Variants in RANBP2 observed in about 807,000 individuals in gnomAD.
The protein encoded by RANBP2 is E3 SUMO-protein ligase RanBP2.
RANBP2 carries 57 observed loss-of-function variants against 303.6 expected under a neutral mutation model. The ratio of observed to expected loss-of-function variants is 0.19; its 90% CI spans 0.15 to 0.23. The LOEUF is 0.23. Ranked by LOEUF, RANBP2 falls within the 10% of genes least tolerant of loss-of-function variation. The pLI is 1.00. For synonymous variants in RANBP2, 1,167 were observed against 1,301.5 expected, an observed-to-expected ratio of 0.90 and a Z score of 2.23; for missense variants, 3,138 against 3,780.8, an observed-to-expected ratio of 0.83 and a Z score of 4.46.
the RANBP2 span, chr2:109,348,045 C>T: frequency 6.9e-7 from 1 of 1,452,456 alleles, no homozygotes; most frequent in African/African-American, 1.4e-5. Context: ...GACAGTCTTT[C>T]TTCAGAGTCT....
the RANBP2 span, among the ~76,000 whole-genome samples, chr2:109,407,569 A>G: frequency 6.6e-6 from 1 of 152,192 alleles, no homozygotes; most frequent in African/African-American, 2.4e-5. Context: ...CAGCCCCCAG[A>G]CTTACTGCTT....
the RANBP2 span, among the ~76,000 whole-genome samples, chr2:109,281,858 G>A: frequency 4.6e-5 from 7 of 152,166 alleles, no homozygotes; most frequent in Admixed American, 6.5e-5. Context: ...GACCCCCAGC[G>A]GGCTAGAGCT....
chr2:109,253,040 A>T, the RANBP2 span, among the ~76,000 whole-genome samples: 2,994 of 149,740 alleles, frequency 0.02, 104 homozygotes, highest in African/African-American at 0.069. Flanking sequence ...CTTTTTTTTT[A>T]TTTAAGAGCT....
chr2:109,078,883 T>A, the RANBP2 span, among the ~76,000 whole-genome samples: 1 of 151,196 alleles, frequency 6.6e-6, no homozygotes, highest in African/African-American at 2.4e-5. Flanking sequence ...CCCAGCTACT[T>A]GGGAGGCTGG....
At chr2:108,759,910 A>G (rs563798042) in intron 18 of RANBP2, among the ~76,000 whole-genome samples, 2 of 152,230 alleles carry the variant, frequency 1.3e-5, no homozygotes, top group East Asian at 3.9e-4. Context: ...TCATTGTCTC[A>G]TTTTATTCTT....
the RANBP2 span, among the ~76,000 whole-genome samples, chr2:108,931,794 A>G: frequency 6.6e-6 from 1 of 151,580 alleles, no homozygotes; most frequent in Non-Finnish European, 1.5e-5. Flanking sequence ...AAGCAATTTT[A>G]CTTGGTAGTC....
At chr2:109,417,374 C>T in the RANBP2 span, among the ~76,000 whole-genome samples, 1 of 152,182 alleles carries the variant, frequency 6.6e-6, no homozygotes, top group African/African-American at 2.4e-5. Context: ...GGGGACACCT[C>T]CTCTTCCCTG....
chr2:109,440,714 T>C, the RANBP2 span, among the ~76,000 whole-genome samples: 1 of 151,936 alleles, frequency 6.6e-6, no homozygotes, highest in Non-Finnish European at 1.5e-5. Context: ...GATGTGGAGA[T>C]CAGAGTTTGT....
At chr2:109,314,737 A>T in the RANBP2 span, among the ~76,000 whole-genome samples, 27 of 152,360 alleles carry the variant, frequency 1.8e-4, no homozygotes, top group African/African-American at 5.5e-4. Context: ...AATATCCACC[A>T]GCCAATTTCT....
At chr2:109,582,075 GACACACACACACACACACACAC>G in the RANBP2 span, among the ~76,000 whole-genome samples, 1 of 143,768 alleles carries the variant, frequency 7.0e-6, no homozygotes, top group East Asian at 2.0e-4. Context: ...ATGTACAACA[GACACACACACACACACACACAC>G]ACACACACAC....
At chr2:109,312,513 C>A in the RANBP2 span, among the ~76,000 whole-genome samples, 1 of 152,152 alleles carries the variant, frequency 6.6e-6, no homozygotes, top group Non-Finnish European at 1.5e-5. Context: ...ACTCTCTACC[C>A]ATCAGCAGCC....
chr2:109,356,728 A>C, the RANBP2 span, among the ~76,000 whole-genome samples: 2 of 152,204 alleles, frequency 1.3e-5, no homozygotes. Context: ...ATCTTTGGAC[A>C]GCCCTGCCTC....
At chr2:109,300,278 C>G in the RANBP2 span, among the ~76,000 whole-genome samples, 2 of 152,278 alleles carry the variant, frequency 1.3e-5, no homozygotes, top group Admixed American at 1.3e-4. Flanking sequence ...CTCCAGGGTT[C>G]AAGCAGTTCT....
chr2:109,657,577 G>C, the RANBP2 span, among the ~76,000 whole-genome samples: 7 of 76,998 alleles, frequency 9.1e-5, no homozygotes, highest in Admixed American at 2.3e-4. Context: ...TTAAGTTGGA[G>C]TGAAGTTTAA....
At chr2:108,750,887 A>G (rs1040557410) in intron 9 of RANBP2, among the ~76,000 whole-genome samples, 28 of 152,216 alleles carry the variant, frequency 1.8e-4, no homozygotes, top group African/African-American at 6.5e-4. Flanking sequence ...CCGATGGATT[A>G]ATATAGTGGT....
the RANBP2 span, among the ~76,000 whole-genome samples, chr2:109,498,685 G>A: frequency 6.6e-6 from 1 of 152,270 alleles, no homozygotes; most frequent in South Asian, 2.1e-4. Context: ...ATGGGCCCAG[G>A]GAACTGTGGG....
chr2:109,270,885 C>T, the RANBP2 span, among the ~76,000 whole-genome samples: 9 of 152,292 alleles, frequency 5.9e-5, no homozygotes, highest in East Asian at 5.8e-4. Flanking sequence ...GAGCCTGTAC[C>T]GACACTGCCT....
rs542202026 is a variant in RANBP2 at position 108,777,056 on chromosome 2, C to T, written c.8498-74C>T. 1.3e-5 allele frequency: 16 copies of T among 1,196,314 alleles called. No individual in the cohort carries two copies. The African/African-American group carries it at 2.7e-4, about 20-fold the overall frequency. 74.1% of individuals were successfully genotyped at this position (1,196,314 alleles called of 1,614,324 possible). On this transcript the variant is annotated intron_variant, in intron 24 of 28. Transcript: ENST00000283195. ...AGAGTATACAAGTCTCTACTGTTCT[C>T]TCTAGGTCCTGGGGTAAAGCTTTGA...
chr2:109,146,949 T>C, the RANBP2 span, among the ~76,000 whole-genome samples: 1 of 133,938 alleles, frequency 7.5e-6, no homozygotes, highest in African/African-American at 2.8e-5. Context: ...AAAACACTTC[T>C]GGCAGTAACT....
Sources: allele counts gnomAD v4.1 joint callset (sites outside exome capture counted in the v4.1 genomes callset), GRCh38; gene constraint gnomAD v4.1.1; transcripts MANE v1.5; gene names NCBI Gene and HGNC (gene_info 2026-07-23, HGNC 2026-07-21).